The following CPS1 variants were observed in gnomAD, a reference collection of about 807,000 sequenced individuals.
The protein encoded by CPS1 is carbamoyl-phosphate synthase [ammonia], mitochondrial.
In CPS1, 109 loss-of-function variants were observed where a neutral mutation model predicts 174.6. That is an observed-to-expected ratio of 0.62 (90% CI 0.53 to 0.73). The LOEUF is 0.73. Among genes scored for constraint, CPS1 ranks in the 30% least tolerant of loss-of-function variants. The probability of loss-of-function intolerance (pLI) is 0.00; values close to 1 mark genes in which losing one functional copy is unlikely to be tolerated. For missense variants in CPS1, 1,689 were observed against 1,821.9 expected, an observed-to-expected ratio of 0.93 and a Z score of 1.33; for synonymous variants, 637 against 632.0, an observed-to-expected ratio of 1.01 and a Z score of -0.12.
intron 1 of CPS1, among the ~76,000 whole-genome samples, chr2:210,560,716 G>A (rs1214613250): frequency 6.6e-6 from 1 of 151,996 alleles, no homozygotes; most frequent in Non-Finnish European, 1.5e-5. Flanking sequence ...TTAGAAATTG[G>A]CAACTATAAA....
At chr2:210,486,287 A>G (rs926843996) in intron 1 of CPS1, among the ~76,000 whole-genome samples, 4 of 151,988 alleles carry the variant, frequency 2.6e-5, no homozygotes, top group Non-Finnish European at 5.9e-5. Flanking sequence ...CTTTATATAT[A>G]AGTCATTTAT....
intron 15 of CPS1, 50 bp downstream of exon 15, chr2:210,600,762 G>T: frequency 6.3e-7 from 1 of 1,584,440 alleles, no homozygotes; most frequent in Non-Finnish European, 8.7e-7. Context: ...GTCTTGTGTT[G>T]TAGGGAGAAT....
At chr2:210,660,372 CAA>C (rs1700876327) in intron 31 of CPS1, 111 bp from the exon 32 acceptor site, 4 of 1,050,444 alleles carry the variant, frequency 3.8e-6, no homozygotes, top group Non-Finnish European at 5.9e-6. Context: ...ATTAGCAAAA[CAA>C]GAGCTGGTCC....
intron 21 of CPS1, among the ~76,000 whole-genome samples, chr2:210,636,216 A>G (rs1346708686): frequency 1.3e-5 from 2 of 152,132 alleles, no homozygotes; most frequent in East Asian, 1.9e-4. Flanking sequence ...CTTTTACAGT[A>G]GTATTTTATT....
At chr2:210,655,990 T>C (rs1186396955) in intron 29 of CPS1, among the ~76,000 whole-genome samples, 1 of 152,208 alleles carries the variant, frequency 6.6e-6, no homozygotes, top group African/African-American at 2.4e-5. Flanking sequence ...TATTTATTAT[T>C]ACATTACTTT....
intron 14 of CPS1, 142 bp from the exon 15 acceptor site, chr2:210,600,413 T>A: frequency 1.4e-6 from 1 of 727,030 alleles, no homozygotes; most frequent in Non-Finnish European, 2.2e-6. Context: ...TATTTCAATT[T>A]TTTTCCCTAA....
At chr2:210,600,738 C>G (rs779968153) in intron 15 of CPS1, 26 bp downstream of exon 15, 1 of 1,610,464 alleles carries the variant, frequency 6.2e-7, no homozygotes, top group East Asian at 2.2e-5. Context: ...TTTGGAAAAA[C>G]AAGGGCATTA....
At chr2:210,674,279 G>A (rs1701429231) in intron 34 of CPS1, 1 of 152,192 alleles carries the variant, frequency 6.6e-6, no homozygotes, top group Non-Finnish European at 1.5e-5. Flanking sequence ...TTTGAGACCA[G>A]CCTGACCAAC....
chr2:210,544,647 G>T (rs561544615), intron 1 of CPS1, among the ~76,000 whole-genome samples: 1 of 151,902 alleles, frequency 6.6e-6, no homozygotes, highest in Admixed American at 6.6e-5. Context: ...AATTTTCCTC[G>T]TACTAGTTTG....
Position 210,656,636 on chromosome 2 carries a change from A to G in CPS1, c.3666+4A>G, listed in dbSNP as rs766539621. 5 of 1,605,680 alleles carry G rather than the reference A, an allele frequency of 3.1e-6. No homozygotes were observed. The East Asian group carries it at 8.9e-5, about 29-fold the overall frequency. ...CAGCCAAGGGGCCATTGAAAAGGTC[A>G]TCATTTATAAATAAAAGTGGAAGGG... is the stretch of plus-strand genomic sequence containing the variant. On this transcript the variant is annotated splice_donor_region_variant and intron_variant, in intron 30 of 37. Transcript: ENST00000233072.
chr2:210,666,102 C>T (rs1385207435), intron 33 of CPS1, among the ~76,000 whole-genome samples: 5 of 151,842 alleles, frequency 3.3e-5, no homozygotes, highest in Non-Finnish European at 4.4e-5. Context: ...TTTCATGTGT[C>T]TTTTGGCTGC....
chr2:210,614,902 G>A (rs2105863551), intron 20 of CPS1, among the ~76,000 whole-genome samples: 1 of 151,846 alleles, frequency 6.6e-6, no homozygotes, highest in Admixed American at 6.6e-5. Flanking sequence ...GGAGGTAGGG[G>A]ATGCATAGCA....
chr2:210,510,596 C>G (rs1386454930), intron 1 of CPS1, among the ~76,000 whole-genome samples: 1 of 152,110 alleles, frequency 6.6e-6, no homozygotes, highest in African/African-American at 2.4e-5. Context: ...AGTGAATAGG[C>G]AACCTACAGA....
At chr2:210,653,892 T>C in intron 28 of CPS1, 133 bp from the exon 29 acceptor site, 2 of 733,732 alleles carry the variant, frequency 2.7e-6, no homozygotes, top group South Asian at 1.5e-5. Flanking sequence ...AATGAGTTTA[T>C]GTAGTTATGT....
At chr2:210,506,833 A>T (rs1695301404) in intron 1 of CPS1, among the ~76,000 whole-genome samples, 1 of 152,234 alleles carries the variant, frequency 6.6e-6, no homozygotes, top group African/African-American at 2.4e-5. Flanking sequence ...GAGAAAAAAG[A>T]ATAAAAAGAA....
At chr2:210,506,962 T>C (rs1360077866) in intron 1 of CPS1, among the ~76,000 whole-genome samples, 1 of 152,172 alleles carries the variant, frequency 6.6e-6, no homozygotes, top group Non-Finnish European at 1.5e-5. Context: ...TGCAGGATAT[T>C]ATCCAGGAGA....
intron 1 of CPS1, among the ~76,000 whole-genome samples, chr2:210,492,466 T>A (rs1422326104): frequency 1.3e-5 from 2 of 152,238 alleles, no homozygotes; most frequent in Non-Finnish European, 2.9e-5. Context: ...TAACTTTTAA[T>A]GTGTTCTTTA....
At chr2:210,480,483 T>C (rs1227116651) in intron 1 of CPS1, among the ~76,000 whole-genome samples, 3 of 152,228 alleles carry the variant, frequency 2.0e-5, no homozygotes, top group Admixed American at 6.5e-5. Flanking sequence ...CAGCATGCTA[T>C]AGTGTCTGTG....
intron 15 of CPS1, 40 bp from the exon 16 acceptor site, chr2:210,602,162 C>T (rs1698748441): frequency 1.9e-6 from 3 of 1,610,146 alleles, no homozygotes; most frequent in African/African-American, 1.3e-5. Context: ...TGCCAGTGTG[C>T]TCAGCTTTTA....
Sources: gnomAD v4.1 joint callset for allele counts (sites outside exome capture counted in the v4.1 genomes callset) on GRCh38, gnomAD v4.1.1 for gene constraint, MANE v1.5 for transcripts, NCBI Gene and HGNC (gene_info 2026-07-23, HGNC 2026-07-21) for gene names.